The following PAK1IP1 variants were observed in gnomAD, a reference collection of about 807,000 sequenced individuals.
The protein encoded by PAK1IP1 is PAK1 interacting protein 1.
A neutral mutation model predicts 42.0 loss-of-function variants in PAK1IP1; 24 were observed. The observed-to-expected ratio is 0.57, with a 90% CI of 0.41 to 0.80. PAK1IP1 has a LOEUF of 0.80. Ranked by LOEUF, PAK1IP1 falls within the 30% of genes least tolerant of loss-of-function variation. The pLI is 0.00. For synonymous variants in PAK1IP1, 154 were observed against 156.7 expected (o/e 0.98, Z 0.13); for missense variants, 411 against 467.9 (o/e 0.88, Z 1.12).
At position 10,708,966 on chromosome 6, in the gene PAK1IP1, C is replaced by T; in HGVS notation, c.854C>T (p.Ser285Phe). 6.2e-7 allele frequency: 1 copy of T among 1,609,948 alleles called. No individual in the cohort carries two copies. ...KLKQDKKVPP[S>F]LLCEINTNAR... ...TCTTCTGTTTAGAAAGTTCCCCCATCTTTACTCTGTGAAATAAACACTAAT... is the reference window on the plus strand; with the variant it reads ...TCTTCTGTTTAGAAAGTTCCCCCATTTTTACTCTGTGAAATAAACACTAAT... Residue 285 changes from serine to phenylalanine, a missense_variant, in exon 9 of 10, where the codon TCT becomes TTT. Coordinates refer to ENST00000379568, the MANE Select transcript of PAK1IP1 (RefSeq NM_017906.3).
chr6:10,695,392 AAAG>A (rs1450982459), intron 1 of PAK1IP1, among the ~76,000 whole-genome samples: 1 of 152,198 alleles, frequency 6.6e-6, no homozygotes, highest in Non-Finnish European at 1.5e-5. Context: ...GAATTTAATG[AAAG>A]AAGATCTCGC....
chr6:10,694,606 G>GGTGGTC, upstream of PAK1IP1: 6 of 169,820 alleles, frequency 3.5e-5, no homozygotes, highest in South Asian at 1.3e-4. Flanking sequence ...CTAAGCAACC[G>GGTGGTC]GCCGGAAGTC....
chr6:10,693,489 T>TA (rs1162668183), upstream of PAK1IP1, among the ~76,000 whole-genome samples: 2 of 152,184 alleles, frequency 1.3e-5, no homozygotes, highest in African/African-American at 2.4e-5. Flanking sequence ...TAACACGTAC[T>TA]AACAATTCAG....
At chr6:10,693,403 G>A (rs529469837), upstream of PAK1IP1, among the ~76,000 whole-genome samples, 8 of 152,284 alleles carry the variant, frequency 5.3e-5, no homozygotes, top group South Asian at 1.7e-3. Context: ...ACAATAACAA[G>A]GTCTTTTCTG....
In PAK1IP1 at chr6:10,704,497, C is replaced by T; in HGVS notation, c.497-10C>T. 1.3e-6 allele frequency: 2 copies of T among 1,510,858 alleles called. No homozygotes were observed. Among genetic ancestry groups the T allele is most frequent in the Non-Finnish European group, 8.9e-7 (1 of 1,121,306 alleles). 93.6% of individuals were successfully genotyped at this position (1,510,858 alleles called of 1,614,324 possible). ...CAAAATAAATAAACTTCGTTTTTTT[C>T]CACTTACAGATGCTCACATAGTAGA... On this transcript the variant is annotated splice_polypyrimidine_tract_variant and intron_variant, in intron 5 of 9. Coordinates refer to ENST00000379568, the MANE Select transcript of PAK1IP1 (RefSeq NM_017906.3).
rs1432619962 is a variant in PAK1IP1 at position 10,709,093 on chromosome 6, G to T, written c.964+17G>T. 4 of 1,604,270 alleles carry T rather than the reference G, an allele frequency of 2.5e-6. No homozygotes were observed. Among genetic ancestry groups the T allele is most frequent in the Non-Finnish European group, 3.4e-6 (4 of 1,176,372 alleles). ...CTTCTCCTGGTAATCGAATTTGATT[G>T]TTTTGAAATTTTGAATAATCTATTA... On this transcript the variant is annotated intron_variant, in intron 9 of 9. Transcript: ENST00000379568.
chr6:10,697,502 C>T lies in PAK1IP1; in HGVS notation c.247+16C>T, dbSNP rs150618626. 7.6e-6 allele frequency: 12 copies of T among 1,581,608 alleles called. No individual in the cohort carries two copies. In the African/African-American group the frequency reaches 1.5e-4, roughly 20 times the overall value. On this transcript the variant is annotated intron_variant, in intron 2 of 9. Transcript: ENST00000379568. ...CATCACAGTGGTAAGAAAATTGTAT[C>T]CCTTAAGATGAGAACATAGAGGTTT...
intron 7 of PAK1IP1, 24 bp from the exon 8 acceptor site, chr6:10,707,391 A>G (rs767495078): frequency 8.2e-6 from 10 of 1,219,856 alleles, no homozygotes; most frequent in Admixed American, 5.1e-5. Context: ...AAGATCTTTT[A>G]TGGTGTTAAT....
chr6:10,702,521 G>A (rs112802381), intron 3 of PAK1IP1, 32 bp downstream of exon 3: 49 of 1,614,070 alleles, frequency 3.0e-5, no homozygotes, highest in South Asian at 2.5e-4. Context: ...TGGCATTCTC[G>A]ATGTGCCAGT....
intron 4 of PAK1IP1, 79 bp downstream of exon 4, chr6:10,702,718 T>A: frequency 9.7e-7 from 1 of 1,036,256 alleles, no homozygotes; most frequent in Non-Finnish European, 1.5e-6. Context: ...AATACTGTTA[T>A]ACAAGGGAAA....
rs1770244541 is a variant in PAK1IP1, at chr6:10,707,592, A to G, written c.840+78A>G. On this transcript the variant is annotated intron_variant, in intron 8 of 9. Coordinates refer to ENST00000379568, the MANE Select transcript of PAK1IP1 (RefSeq NM_017906.3). ...GTGAGGTGGAATTTTTTTAAGGGTC[A>G]TAAGACATAGGTCTTTAAACTTTTT... The G allele has an allele frequency of 7.1e-6, 6 of 841,446 alleles. 1 individual carries two copies. In the East Asian group the frequency reaches 1.5e-4, roughly 20 times the overall value. The allele number at this position is 841,446 out of a possible 1,614,324, so 52.1% of individuals were successfully genotyped here.
upstream of PAK1IP1, among the ~76,000 whole-genome samples, chr6:10,693,659 T>C (rs943868191): frequency 1.3e-5 from 2 of 152,212 alleles, no homozygotes; most frequent in African/African-American, 2.4e-5. Flanking sequence ...GAACCAAGAT[T>C]TACTCTGTTG....
At chr6:10,700,902 G>C (rs1770007522) in intron 2 of PAK1IP1, among the ~76,000 whole-genome samples, 1 of 151,934 alleles carries the variant, frequency 6.6e-6, no homozygotes, top group African/African-American at 2.4e-5. Flanking sequence ...TCCCATGGTG[G>C]TTTGCTTTAC....
intron 7 of PAK1IP1, among the ~76,000 whole-genome samples, chr6:10,706,352 G>T (rs1770204631): frequency 6.6e-6 from 1 of 152,030 alleles, no homozygotes. Flanking sequence ...GACGGTGGAA[G>T]CCAATCGGTG....
chr6:10,708,891 T>C, intron 8 of PAK1IP1, 62 bp from the exon 9 acceptor site: 1 of 1,390,320 alleles, frequency 7.2e-7, no homozygotes, highest in Non-Finnish European at 9.9e-7. Context: ...TTAAGGTAAC[T>C]TGATTATGGA....
At chr6:10,700,122 G>A (rs1322981898) in intron 2 of PAK1IP1, among the ~76,000 whole-genome samples, 8 of 152,094 alleles carry the variant, frequency 5.3e-5, no homozygotes, top group Admixed American at 2.6e-4. Context: ...GCAGTGGCGC[G>A]ATCTCGGCTC....
chr6:10,690,911 A>G (rs1769234828), upstream of PAK1IP1, among the ~76,000 whole-genome samples: 1 of 152,180 alleles, frequency 6.6e-6, no homozygotes, highest in Non-Finnish European at 1.5e-5. Context: ...AAACAGGTAT[A>G]TAATTCTCTT....
upstream of PAK1IP1, chr6:10,694,813 C>T: frequency 3.5e-6 from 2 of 564,352 alleles, no homozygotes; most frequent in Non-Finnish European, 6.3e-6. Flanking sequence ...GACCTCCCCG[C>T]GCTTAAAGTG....
upstream of PAK1IP1, among the ~76,000 whole-genome samples, chr6:10,691,973 C>G (rs1353323476): frequency 2.0e-5 from 3 of 152,270 alleles, no homozygotes; most frequent in Non-Finnish European, 1.5e-5. Flanking sequence ...GTGTGACAGT[C>G]TGGTAACAGA....
Sources: allele counts gnomAD v4.1 joint callset (sites outside exome capture counted in the v4.1 genomes callset), GRCh38; gene constraint gnomAD v4.1.1; transcripts MANE v1.5; gene names NCBI Gene and HGNC (gene_info 2026-07-23, HGNC 2026-07-21).